The following LOXHD1 variants were observed in gnomAD, a reference collection of about 807,000 sequenced individuals.
LOXHD1 encodes lipoxygenase homology domain-containing protein 1.
In LOXHD1, 205 loss-of-function variants were observed where a neutral mutation model predicts 248.2. The observed-to-expected ratio is 0.83, with a 90% CI of 0.74 to 0.93. The LOEUF (loss-of-function observed/expected upper bound fraction) is 0.93, where lower values mean the gene tolerates loss of function less well. Ranked by LOEUF, LOXHD1 falls within the 40% of genes least tolerant of loss-of-function variation. LOXHD1 has a pLI of 0.00. For missense variants in LOXHD1, 2,930 were observed against 2,971.6 expected, an observed-to-expected ratio of 0.99 and a Z score of 0.33; for synonymous variants, 1,113 against 1,162.8, an observed-to-expected ratio of 0.96 and a Z score of 0.87.
intron 37 of LOXHD1, among the ~76,000 whole-genome samples, chr18:46,489,580 T>C (rs2143634913): frequency 6.6e-6 from 1 of 152,326 alleles, no homozygotes; most frequent in East Asian, 1.9e-4. Flanking sequence ...ACTTAGTCCA[T>C]GCCCATTATC....
chr18:46,494,167 T>C (rs2033679202), intron 37 of LOXHD1, among the ~76,000 whole-genome samples: 1 of 152,244 alleles, frequency 6.6e-6, no homozygotes, highest in African/African-American at 2.4e-5. Context: ...ATTCAGGTCA[T>C]GACTATGCAC....
At position 46,638,398 on chromosome 18, in the gene LOXHD1, G is replaced by A. The variant is rs540477698; in HGVS notation, c.511+1218C>T. On this transcript the variant is annotated intron_variant, in intron 4 of 40. Transcript: ENST00000642948. ...TGTAATCCCAGCACTTTGGGAGGCCGAGGTGGGTGGATCACCTGAGGTCAG... is the reference window on the plus strand; with the variant it reads ...TGTAATCCCAGCACTTTGGGAGGCCAAGGTGGGTGGATCACCTGAGGTCAG... 1.7e-4 allele frequency among the ~76,000 whole-genome samples: 26 copies of A among 152,280 alleles called. No individual in the cohort carries two copies. The South Asian group carries it at 4.6e-3, about 27-fold the overall frequency.
In LOXHD1 at chr18:46,657,182, C is replaced by T. The variant is rs1160532014; in HGVS notation, c.-149G>A. The T allele has an allele frequency of 2.0e-5, 26 of 1,301,310 alleles. 1 individual carries two copies. In the Admixed American group the frequency reaches 5.7e-4, roughly 29 times the overall value. The allele number at this position is 1,301,310 out of a possible 1,614,324, so 80.6% of individuals were successfully genotyped here. ...GGGCCAGAGTGCCCCGTTTTCTTGG[C>T]TTCCCCGTGCCCAAGGTGCTGTTCC... On this transcript the variant is annotated 5_prime_UTR_variant, in exon 1 of 41. Coordinates refer to ENST00000642948, the MANE Select transcript of LOXHD1 (RefSeq NM_001384474.1).
chr18:46,573,659 T>A (rs540659140), intron 14 of LOXHD1, among the ~76,000 whole-genome samples: 1 of 151,860 alleles, frequency 6.6e-6, no homozygotes, highest in Non-Finnish European at 1.5e-5. Context: ...ACTGCAATAC[T>A]CTCTGCTAAT....
At chr18:46,613,312 T>G (rs758247392) in intron 5 of LOXHD1, among the ~76,000 whole-genome samples, 33 of 152,156 alleles carry the variant, frequency 2.2e-4, no homozygotes, top group Non-Finnish European at 3.8e-4. Context: ...TTTTTAATAT[T>G]TATTCTTAGG....
chr18:46,593,786 T>A, intron 9 of LOXHD1, 26 bp from the exon 10 acceptor site: 1 of 1,550,628 alleles, frequency 6.4e-7, no homozygotes, highest in Non-Finnish European at 8.7e-7. Flanking sequence ...AGTTGCACCA[T>A]AAACTTCAGG....
intron 37 of LOXHD1, among the ~76,000 whole-genome samples, chr18:46,499,306 C>T (rs2034076958): frequency 6.6e-6 from 1 of 152,228 alleles, no homozygotes; most frequent in South Asian, 2.1e-4. Context: ...TTGAAGGATG[C>T]ATAATAATTT....
chr18:46,505,744 A>G, intron 37 of LOXHD1, 94 bp downstream of exon 37: 1 of 1,318,584 alleles, frequency 7.6e-7, no homozygotes, highest in Non-Finnish European at 1.1e-6. Flanking sequence ...ACCCTGGGGT[A>G]ATCAGAGTCA....
intron 37 of LOXHD1, among the ~76,000 whole-genome samples, chr18:46,499,534 A>T (rs2034092679): frequency 6.6e-6 from 1 of 152,222 alleles, no homozygotes; most frequent in Admixed American, 6.5e-5. Flanking sequence ...TGAAAACTTG[A>T]ATGTACCATG....
At chr18:46,653,254 A>C (rs1447868614) in intron 1 of LOXHD1, among the ~76,000 whole-genome samples, 1 of 152,208 alleles carries the variant, frequency 6.6e-6, no homozygotes, top group Non-Finnish European at 1.5e-5. Flanking sequence ...CTCAAAAAAA[A>C]AGTTTAAGAA....
intron 15 of LOXHD1, 144 bp from the exon 16 acceptor site, chr18:46,569,782 T>G: frequency 1.5e-6 from 1 of 645,242 alleles, no homozygotes; most frequent in South Asian, 2.3e-5. Flanking sequence ...GCTCCTGTTC[T>G]AAGCAGCCCT....
intron 14 of LOXHD1, among the ~76,000 whole-genome samples, chr18:46,575,967 C>A (rs1164588264): frequency 1.3e-5 from 2 of 152,214 alleles, no homozygotes; most frequent in Non-Finnish European, 2.9e-5. Context: ...ACACTCCAGT[C>A]CTTTCCCCTG....
intron 37 of LOXHD1, among the ~76,000 whole-genome samples, chr18:46,495,157 A>G (rs1005263092): frequency 6.6e-6 from 1 of 152,146 alleles, no homozygotes; most frequent in African/African-American, 2.4e-5. Flanking sequence ...CCCAGCCATG[A>G]ATTTATATTT....
At chr18:46,552,948 G>T (rs901385598) in intron 21 of LOXHD1, among the ~76,000 whole-genome samples, 1 of 151,992 alleles carries the variant, frequency 6.6e-6, no homozygotes, top group East Asian at 1.9e-4. Flanking sequence ...CATTTCTAAT[G>T]TTCTTTTTCC....
At chr18:46,649,771 C>T (rs2039084470) in intron 1 of LOXHD1, among the ~76,000 whole-genome samples, 1 of 152,262 alleles carries the variant, frequency 6.6e-6, no homozygotes, top group Middle Eastern at 3.4e-3. Flanking sequence ...GGGGGTCCTT[C>T]TTTGGCAGGG....
intron 37 of LOXHD1, among the ~76,000 whole-genome samples, chr18:46,503,341 C>T (rs988363783): frequency 4.6e-5 from 7 of 152,196 alleles, no homozygotes; most frequent in African/African-American, 1.7e-4. Flanking sequence ...CTTCCCCACA[C>T]CCATGCCTGC....
chr18:46,649,353 G>A (rs2144400151), intron 1 of LOXHD1, 84 bp from the exon 2 acceptor site: 1 of 1,202,820 alleles, frequency 8.3e-7, no homozygotes, highest in Admixed American at 2.1e-5. Flanking sequence ...AGCCCTTGCT[G>A]GGGAGGCCCA....
At chr18:46,586,367 T>C (rs1293873925) in intron 12 of LOXHD1, among the ~76,000 whole-genome samples, 3 of 152,200 alleles carry the variant, frequency 2.0e-5, no homozygotes, top group African/African-American at 4.8e-5. Flanking sequence ...CTAAAAGCCA[T>C]TGACTTGTAC....
intron 37 of LOXHD1, among the ~76,000 whole-genome samples, chr18:46,491,564 G>A (rs114512968): frequency 0.042 from 6,347 of 152,288 alleles, 432 homozygotes; most frequent in African/African-American, 0.15. Context: ...GTTTGAACAT[G>A]TGATTGCATG....
Sources: allele counts gnomAD v4.1 joint callset (sites outside exome capture counted in the v4.1 genomes callset), GRCh38; gene constraint gnomAD v4.1.1; transcripts MANE v1.5; gene names NCBI Gene and HGNC (gene_info 2026-07-23, HGNC 2026-07-21).